The following INPP4B variants were observed in gnomAD, a reference collection of about 807,000 sequenced individuals.
INPP4B encodes inositol polyphosphate-4-phosphatase type II B.
Under a neutral mutation model 122.5 loss-of-function variants are expected in INPP4B, and 55 were observed. That is an observed-to-expected ratio of 0.45 (90% CI 0.36 to 0.56). The LOEUF (loss-of-function observed/expected upper bound fraction) is 0.56, where lower values mean the gene tolerates loss of function less well. Ranked by LOEUF, INPP4B falls within the 20% of genes least tolerant of loss-of-function variation. The pLI, the probability that INPP4B is intolerant of heterozygous loss-of-function variation, is 0.00. For synonymous variants in INPP4B, 403 were observed against 388.7 expected (o/e 1.04, Z -0.43); for missense variants, 1,000 against 1,097.7 (o/e 0.91, Z 1.26).
intron 9 of INPP4B, among the ~76,000 whole-genome samples, chr4:142,272,702 C>A (rs574530541): frequency 6.6e-6 from 1 of 152,028 alleles, no homozygotes; most frequent in East Asian, 1.9e-4. Context: ...TGTCATAAGT[C>A]ATGGTGCAGC....
intron 5 of INPP4B, among the ~76,000 whole-genome samples, chr4:142,409,487 C>T (rs1364345411): frequency 8.8e-6 from 1 of 113,306 alleles, no homozygotes; most frequent in Non-Finnish European, 1.8e-5. Flanking sequence ...AGCGAGACTC[C>T]TTCTCAAAAA....
At chr4:142,194,583 G>T (rs1414800522) in intron 14 of INPP4B, among the ~76,000 whole-genome samples, 1 of 152,094 alleles carries the variant, frequency 6.6e-6, no homozygotes, top group Admixed American at 6.6e-5. Context: ...CAAGCTAACT[G>T]CTTTGTCCAT....
chr4:142,728,267 A>G (rs1277876532), intron 1 of INPP4B, among the ~76,000 whole-genome samples: 1 of 152,118 alleles, frequency 6.6e-6, no homozygotes, highest in Non-Finnish European at 1.5e-5. Flanking sequence ...AGAACCTTAC[A>G]CTGTATATTT....
intron 2 of INPP4B, among the ~76,000 whole-genome samples, chr4:142,697,040 G>A (rs184639508): frequency 2.9e-4 from 44 of 152,202 alleles, no homozygotes; most frequent in African/African-American, 1.1e-3. Flanking sequence ...GTCAGTTACA[G>A]TTTATTATCC....
chr4:142,661,142 C>T (rs374803580), intron 2 of INPP4B, among the ~76,000 whole-genome samples: 9 of 152,260 alleles, frequency 5.9e-5, no homozygotes, highest in East Asian at 3.9e-4. Context: ...TTTCCCCCAC[C>T]CGTTTTTCTC....
At chr4:142,789,940 AG>A (rs1776304739) in intron 1 of INPP4B, among the ~76,000 whole-genome samples, 1 of 152,100 alleles carries the variant, frequency 6.6e-6, no homozygotes, top group African/African-American at 2.4e-5. Flanking sequence ...AATTACTTAC[AG>A]CCAACTGATC....
chr4:142,175,559 G>C (rs1408992165), intron 15 of INPP4B, among the ~76,000 whole-genome samples: 1 of 151,904 alleles, frequency 6.6e-6, no homozygotes, highest in Non-Finnish European at 1.5e-5. Flanking sequence ...CAGAAGTTAG[G>C]GGCTTCAGAT....
chr4:142,530,948 C>T (rs1001407795), intron 2 of INPP4B, among the ~76,000 whole-genome samples: 1 of 151,832 alleles, frequency 6.6e-6, no homozygotes, highest in Admixed American at 6.6e-5. Context: ...GATGGGCAGC[C>T]ACAAAGTCAT....
intron 2 of INPP4B, chr4:142,518,922 A>T (rs979905862): frequency 6.6e-6 from 1 of 152,092 alleles, no homozygotes; most frequent in Non-Finnish European, 1.5e-5. Flanking sequence ...CAGCCAAGCC[A>T]CTCCTGAATT....
chr4:142,323,734 A>G (rs114625554), intron 7 of INPP4B, among the ~76,000 whole-genome samples: 81 of 150,746 alleles, frequency 5.4e-4, no homozygotes, highest in African/African-American at 1.9e-3. Flanking sequence ...CGTGAGCCAC[A>G]GCGCCCAGCA....
intron 1 of INPP4B, among the ~76,000 whole-genome samples, chr4:142,843,205 G>C (rs543632522): frequency 2.8e-4 from 42 of 151,192 alleles, no homozygotes; most frequent in Middle Eastern, 3.4e-3. Flanking sequence ...CATGTATCTT[G>C]CACAACAAAA....
At chr4:142,385,626 T>C (rs921663307) in intron 7 of INPP4B, among the ~76,000 whole-genome samples, 6 of 152,170 alleles carry the variant, frequency 3.9e-5, no homozygotes, top group Non-Finnish European at 5.9e-5. Flanking sequence ...ATTTACACAT[T>C]TGTAGACATG....
At chr4:142,632,284 C>T (rs1748138121) in intron 2 of INPP4B, among the ~76,000 whole-genome samples, 1 of 152,134 alleles carries the variant, frequency 6.6e-6, no homozygotes, top group Admixed American at 6.6e-5. Context: ...CTGCCATTTA[C>T]AGCAACATGG....
At position 142,740,435 on chromosome 4, in the gene INPP4B, A is replaced by T. The variant is rs372786292; in HGVS notation, c.-253-14534T>A. Among the ~76,000 whole-genome samples the T allele has an allele frequency of 4.6e-5, 7 of 152,034 alleles. No individual in the cohort carries two copies. In the East Asian group the frequency reaches 1.2e-3, roughly 25 times the overall value. Reference sequence around the variant, plus strand: ...AAATGCTTAATAAAACACAACAAACATACTTTAAAAAGCACTTTTGAATTT... The same window carrying T: ...AAATGCTTAATAAAACACAACAAACTTACTTTAAAAAGCACTTTTGAATTT... On this transcript the variant is annotated intron_variant, in intron 1 of 25. Transcript: ENST00000262992.
chr4:142,457,069 A>G (rs1437036757), intron 3 of INPP4B, among the ~76,000 whole-genome samples: 8 of 152,066 alleles, frequency 5.3e-5, no homozygotes, highest in Non-Finnish European at 1.0e-4. Flanking sequence ...ATTTAAATAA[A>G]TAGTGTAACA....
intron 2 of INPP4B, among the ~76,000 whole-genome samples, chr4:142,647,936 T>A (rs1454443560): frequency 6.6e-6 from 1 of 152,252 alleles, no homozygotes; most frequent in Non-Finnish European, 1.5e-5. Flanking sequence ...GTTGATTGAC[T>A]GTGTACATGC....
intron 19 of INPP4B, among the ~76,000 whole-genome samples, chr4:142,123,810 G>A (rs1217988710): frequency 1.3e-5 from 2 of 152,160 alleles, no homozygotes; most frequent in Non-Finnish European, 1.5e-5. Flanking sequence ...AAACATGTAT[G>A]TATAAGGCAG....
chr4:142,221,389 CAA>C (rs570703001), intron 12 of INPP4B, among the ~76,000 whole-genome samples: 53 of 28,542 alleles, frequency 1.9e-3, no homozygotes, highest in East Asian at 4.3e-3. Context: ...GACTCCTTCT[CAA>C]AAAAAAAAAA....
chr4:142,809,169 A>C (rs1364653840), intron 1 of INPP4B, among the ~76,000 whole-genome samples: 1 of 152,118 alleles, frequency 6.6e-6, no homozygotes, highest in African/African-American at 2.4e-5. Flanking sequence ...AATGGTCAAT[A>C]TTTTTATTTA....
Sources: gnomAD v4.1 joint callset for allele counts (sites outside exome capture counted in the v4.1 genomes callset) on GRCh38, gnomAD v4.1.1 for gene constraint, MANE v1.5 for transcripts, NCBI Gene and HGNC (gene_info 2026-07-23, HGNC 2026-07-21) for gene names.